Variants in CADPS observed in about 807,000 individuals in gnomAD.
CADPS encodes the protein calcium-dependent secretion activator 1.
Under a neutral mutation model 167.3 loss-of-function variants are expected in CADPS, and 57 were observed. That is an observed-to-expected ratio of 0.34 (90% confidence interval 0.28 to 0.42). The LOEUF is 0.42. CADPS is among the 20% of genes least tolerant of loss of function. The probability of loss-of-function intolerance (pLI) is 1.00; values close to 1 mark genes in which losing one functional copy is unlikely to be tolerated. For missense variants in CADPS, 1,414 were observed against 1,738.1 expected (o/e 0.81, Z 3.32); for synonymous variants, 676 against 635.3 (o/e 1.06, Z -0.96).
chr3:62,847,121 T>G lies in CADPS; in HGVS notation c.441+27468A>C, dbSNP rs188449725. On this transcript the variant is annotated intron_variant, in intron 1 of 29. Transcript: ENST00000383710. ...TTTCTAGTAGCCTCCTAAGTCCTTT[T>G]GACAGGACGTTAGTAGTTTTGATGA... Among the ~76,000 whole-genome samples the G allele has an allele frequency of 6.2e-3, 951 of 152,300 alleles. 4 individuals are homozygous for G. The highest frequency in any genetic ancestry group is 1.0e-2 in the Non-Finnish European group (677 of 68,016).
chr3:62,715,949 G>A (rs1487988808), intron 3 of CADPS, among the ~76,000 whole-genome samples: 1 of 151,866 alleles, frequency 6.6e-6, no homozygotes, highest in Non-Finnish European at 1.5e-5. Context: ...GTTTCATCAT[G>A]TTAGCCAGGA....
intron 1 of CADPS, among the ~76,000 whole-genome samples, chr3:62,843,601 C>G (rs891341378): frequency 1.3e-5 from 2 of 151,964 alleles, no homozygotes; most frequent in Non-Finnish European, 2.9e-5. Flanking sequence ...CAAGTTACTT[C>G]CATTATGTTG....
chr3:62,820,794 G>GT (rs2094871724), intron 1 of CADPS, among the ~76,000 whole-genome samples: 16 of 140,390 alleles, frequency 1.1e-4, no homozygotes, highest in African/African-American at 3.8e-4. Context: ...TCTTTTTTTT[G>GT]GTTTTTTTTT....
chr3:62,498,844 C>A (rs368966038), intron 18 of CADPS, among the ~76,000 whole-genome samples: 28 of 149,072 alleles, frequency 1.9e-4, no homozygotes, highest in East Asian at 6.0e-4. Flanking sequence ...CCACAAAAAA[C>A]CAAAAAATAT....
At chr3:62,551,246 G>A (rs2077274328) in intron 10 of CADPS, among the ~76,000 whole-genome samples, 1 of 152,082 alleles carries the variant, frequency 6.6e-6, no homozygotes. Flanking sequence ...CAGCAAAGCT[G>A]AGCCCATCTC....
chr3:62,579,234 C>T (rs527274047), intron 8 of CADPS, among the ~76,000 whole-genome samples: 3 of 152,226 alleles, frequency 2.0e-5, no homozygotes, highest in East Asian at 1.9e-4. Flanking sequence ...AACTGTGGAC[C>T]GAGCTCTAAT....
chr3:62,813,309 C>A (rs2094468915), intron 1 of CADPS, among the ~76,000 whole-genome samples: 1 of 151,980 alleles, frequency 6.6e-6, no homozygotes, highest in Non-Finnish European at 1.5e-5. Context: ...GAAATAAAGC[C>A]ACACACCTAC....
rs111246731 is a variant in CADPS, at chr3:62,557,395, C to G, written c.1753+10G>C. ...TTTGTGGGCTCGTGGCCTTGAGGGT[C>G]GGTGGGTACCTGGCTGGGGGTCGGT... On this transcript the variant is annotated intron_variant, in intron 10 of 29. Coordinates refer to ENST00000383710, the MANE Select transcript of CADPS (RefSeq NM_003716.4). The G allele has an allele frequency of 1.9e-6, 3 of 1,597,902 alleles. No individual in the cohort carries two copies. In the African/African-American group the frequency reaches 4.0e-5, roughly 21 times the overall value.
At chr3:62,587,325 A>T (rs531120968) in intron 7 of CADPS, among the ~76,000 whole-genome samples, 164 of 152,330 alleles carry the variant, frequency 1.1e-3, no homozygotes, top group Middle Eastern at 0.01. Context: ...AATGAGTGAG[A>T]TAGGGCACTG....
intron 24 of CADPS, among the ~76,000 whole-genome samples, chr3:62,471,754 T>A (rs1026630546): frequency 1.3e-5 from 2 of 151,970 alleles, no homozygotes; most frequent in African/African-American, 4.8e-5. Context: ...CTCAAGAAGA[T>A]TTAAGGGGAA....
At position 62,399,508 on chromosome 3, in the gene CADPS, G is replaced by A. The variant is rs1265089784; in HGVS notation, c.3960C>T (p.Asn1320=). Residue 1320 remains asparagine (N), a synonymous_variant, in exon 30 of 30, where the codon AAC becomes AAT. Transcript: ENST00000383710. This position sits in a 1 kb window ranked among gnomAD's most constrained non-coding sequence, Gnocchi z 5.6. ...LNSKTYETIR[N]RLTVEEATAS... ...CTGTGGCTTCCTCCACAGTGAGACG[G>A]TTCCGGATCGTTTCATAGGTCTTGC... 1 of 1,613,996 alleles carries A rather than the reference G, an allele frequency of 6.2e-7. No individual in the cohort carries two copies. Among genetic ancestry groups the A allele is most frequent in the Non-Finnish European group, 8.5e-7 (1 of 1,179,972 alleles).
intron 6 of CADPS, among the ~76,000 whole-genome samples, chr3:62,604,275 C>CACAG (rs2060384882): frequency 6.6e-6 from 1 of 152,206 alleles, no homozygotes; most frequent in Non-Finnish European, 1.5e-5. Flanking sequence ...TTCTCTGGAT[C>CACAG]TGCCTGCCTG....
chr3:62,813,596 G>GA (rs1004393179), intron 1 of CADPS, among the ~76,000 whole-genome samples: 9 of 150,810 alleles, frequency 6.0e-5, no homozygotes, highest in Admixed American at 1.3e-4. Context: ...CTTGCTACAA[G>GA]AAAAAAAAAT....
chr3:62,634,877 G>T (rs989217585), intron 6 of CADPS, among the ~76,000 whole-genome samples: 2 of 152,178 alleles, frequency 1.3e-5, no homozygotes, highest in Non-Finnish European at 2.9e-5. Context: ...ATAGCACACA[G>T]CAGCCACCCA....
At chr3:62,653,684 A>G (rs1408523575) in intron 4 of CADPS, among the ~76,000 whole-genome samples, 2 of 152,176 alleles carry the variant, frequency 1.3e-5, no homozygotes, top group African/African-American at 4.8e-5. Context: ...GAATAGATCA[A>G]TGACTTGTCA....
intron 3 of CADPS, among the ~76,000 whole-genome samples, chr3:62,721,282 A>G (rs1367176445): frequency 1.3e-5 from 2 of 152,078 alleles, no homozygotes; most frequent in East Asian, 1.9e-4. Context: ...TTTGTTGGTG[A>G]GAAAACCGCC....
At chr3:62,467,366 C>A (rs2150414317) in intron 24 of CADPS, 1 of 990,456 alleles carries the variant, frequency 1.0e-6, no homozygotes, top group South Asian at 1.6e-5. Flanking sequence ...AGTGCAAATA[C>A]AAATTAGGAC....
At chr3:62,402,656 T>A (rs1559916964) in intron 29 of CADPS, among the ~76,000 whole-genome samples, 2 of 152,234 alleles carry the variant, frequency 1.3e-5, no homozygotes, top group Non-Finnish European at 2.9e-5. Context: ...CTGATAATGA[T>A]CACAGGACAT....
intron 11 of CADPS, among the ~76,000 whole-genome samples, chr3:62,545,212 G>A (rs986592705): frequency 2.0e-5 from 3 of 152,090 alleles, no homozygotes; most frequent in Admixed American, 2.0e-4. Flanking sequence ...TTGATCAAAT[G>A]TCAAAGCTTA....
Sources: allele counts gnomAD v4.1 joint callset (sites outside exome capture counted in the v4.1 genomes callset), GRCh38; gene constraint gnomAD v4.1.1; non-coding constraint Gnocchi (gnomAD v3.1); transcripts MANE v1.5; gene names NCBI Gene and HGNC (gene_info 2026-07-23, HGNC 2026-07-21).